The following ZFAND3 variants were observed in gnomAD, a reference collection of about 807,000 sequenced individuals.
The protein encoded by ZFAND3 is zinc finger AN1-type containing 3.
A neutral mutation model predicts 29.6 loss-of-function variants in ZFAND3; 10 were observed. The observed-to-expected ratio is 0.34, with a 90% confidence interval of 0.21 to 0.57. The LOEUF (loss-of-function observed/expected upper bound fraction) is 0.57. Ranked by LOEUF, ZFAND3 falls within the 20% of genes least tolerant of loss-of-function variation. ZFAND3 has a pLI of 0.86. For synonymous variants in ZFAND3, 128 were observed against 112.6 expected (o/e 1.14, Z -0.87); for missense variants, 230 against 304.5 (o/e 0.76, Z 1.82).
rs960921377 is a variant in ZFAND3, at chr6:38,036,712, G to T, written c.113-24881G>T. ...AAATAGAGACTTAAGAAACTAACTT[G>T]ACAAGCATGTTTTTAACATGTAAAT... is the stretch of plus-strand genomic sequence containing the variant. On this transcript the variant is annotated intron_variant, in intron 2 of 5. Transcript: ENST00000287218. 7.9e-5 allele frequency among the ~76,000 whole-genome samples: 12 copies of T among 152,210 alleles called. No homozygotes were observed. In the East Asian group the frequency reaches 2.3e-3, roughly 29 times the overall value.
intron 2 of ZFAND3, among the ~76,000 whole-genome samples, chr6:38,048,705 C>G (rs1286966018): frequency 8.6e-5 from 13 of 151,146 alleles, no homozygotes; most frequent in Non-Finnish European, 1.6e-4. Flanking sequence ...CAGGTTTTAA[C>G]GTTTTTGCAG....
chr6:37,974,398 CTCTCTT>C (rs1268791962), intron 2 of ZFAND3, among the ~76,000 whole-genome samples: 10 of 89,660 alleles, frequency 1.1e-4, no homozygotes, highest in Admixed American at 3.0e-4. Flanking sequence ...CTCTCTCTCT[CTCTCTT>C]TTTTTTTTTT....
intron 2 of ZFAND3, among the ~76,000 whole-genome samples, chr6:37,962,244 A>G (rs1258346673): frequency 6.6e-6 from 1 of 152,200 alleles, no homozygotes; most frequent in African/African-American, 2.4e-5. Context: ...TAACGGCAGA[A>G]TTGACCAAAC....
chr6:37,976,105 C>T (rs1762472857), intron 2 of ZFAND3, among the ~76,000 whole-genome samples: 1 of 152,072 alleles, frequency 6.6e-6, no homozygotes, highest in South Asian at 2.1e-4. Flanking sequence ...AGATTTATCT[C>T]TAAGAAGTTA....
intron 1 of ZFAND3, among the ~76,000 whole-genome samples, chr6:37,912,761 A>G (rs1309160480): frequency 1.3e-5 from 2 of 152,216 alleles, no homozygotes; most frequent in Non-Finnish European, 2.9e-5. Context: ...ACTGTTTGAA[A>G]AACTAGTAAA....
chr6:38,139,640 G>T (rs1285780285), intron 5 of ZFAND3, among the ~76,000 whole-genome samples: 1 of 152,136 alleles, frequency 6.6e-6, no homozygotes, highest in East Asian at 1.9e-4. Flanking sequence ...GCTTCAGTGG[G>T]GAAATTTTTA....
In ZFAND3 at chr6:38,037,476, C is replaced by T. The variant is rs967071036; in HGVS notation, c.113-24117C>T. 1.2e-4 allele frequency among the ~76,000 whole-genome samples: 18 copies of T among 152,156 alleles called. 1 individual carries two copies. Among genetic ancestry groups the T allele is most frequent in the African/African-American group, 3.9e-4 (16 of 41,432 alleles). ...TCCGTCACCATTTCAGAGGTAGATG[C>T]GTATGTAACTTCTTGATAAAAATTT... On this transcript the variant is annotated intron_variant, in intron 2 of 5. Coordinates refer to ENST00000287218, the MANE Select transcript of ZFAND3 (RefSeq NM_021943.3).
intron 2 of ZFAND3, among the ~76,000 whole-genome samples, chr6:37,956,547 C>T (rs975915226): frequency 3.3e-5 from 5 of 152,176 alleles, no homozygotes; most frequent in Non-Finnish European, 7.3e-5. Context: ...CTTTGGGTAA[C>T]AAATGGCATC....
chr6:38,116,130 C>A (rs1403970225), intron 4 of ZFAND3, among the ~76,000 whole-genome samples: 1 of 152,190 alleles, frequency 6.6e-6, no homozygotes. Context: ...TACAGAGATA[C>A]ATTAGACATA....
At chr6:38,033,197 A>G (rs1233538419) in intron 2 of ZFAND3, among the ~76,000 whole-genome samples, 1 of 152,190 alleles carries the variant, frequency 6.6e-6, no homozygotes, top group Non-Finnish European at 1.5e-5. Context: ...AAGATCAGAA[A>G]GGGGTTGGAT....
rs555443553 is a variant in ZFAND3, at chr6:38,153,299, A to T, written c.*910A>T. On this transcript the variant is annotated 3_prime_UTR_variant, in exon 6 of 6. Transcript: ENST00000287218. The stretch of plus-strand genomic sequence containing the variant: ...AAAAGACATTTCATAGCCAACAAGA[A>T]TCAGTAGAAGTGCTGGGAGCAGCAG... 4 of 985,498 alleles carry T rather than the reference A, an allele frequency of 4.1e-6. No homozygotes were observed. The African/African-American group carries it at 7.0e-5, about 17-fold the overall frequency. The allele number at this position is 985,498 out of a possible 1,614,324, so 61.0% of individuals were successfully genotyped here.
chr6:38,094,465 C>T (rs968485485), intron 4 of ZFAND3, among the ~76,000 whole-genome samples: 9 of 152,142 alleles, frequency 5.9e-5, no homozygotes, highest in Non-Finnish European at 5.9e-5. Context: ...TGGATATGAT[C>T]CTACTCCACA....
chr6:37,824,714 A>G (rs1324654836), intron 1 of ZFAND3, among the ~76,000 whole-genome samples: 1 of 152,228 alleles, frequency 6.6e-6, no homozygotes, highest in Non-Finnish European at 1.5e-5. Context: ...ATTTTAAAAA[A>G]GAAGCTCTTC....
chr6:37,907,957 TAAGAA>T (rs1307488481), intron 1 of ZFAND3, among the ~76,000 whole-genome samples: 2 of 152,206 alleles, frequency 1.3e-5, no homozygotes, highest in Non-Finnish European at 2.9e-5. Context: ...TTATCACACT[TAAGAA>T]AATTAGCAGT....
chr6:38,038,842 A>G (rs1325925016), intron 2 of ZFAND3, among the ~76,000 whole-genome samples: 2 of 152,190 alleles, frequency 1.3e-5, no homozygotes, highest in Non-Finnish European at 2.9e-5. Context: ...AATCTATATC[A>G]TATAAGCGGC....
chr6:37,980,020 A>T (rs1762553112), intron 2 of ZFAND3, among the ~76,000 whole-genome samples: 1 of 152,214 alleles, frequency 6.6e-6, no homozygotes, highest in Admixed American at 6.5e-5. Flanking sequence ...CACAGGTTAC[A>T]TGCCTACCAA....
rs768846662 is a variant in ZFAND3, at chr6:37,974,400, CTCTT to C, written c.112+44403_112+44406del. On this transcript the variant is annotated intron_variant, in intron 2 of 5. Transcript: ENST00000287218. ...CATTATATACTCTCTCTCTCTCTCT[CTCTT>C]TTTTTTTTTTTTTTTTTGGAGACAG... 4.0e-4 allele frequency among the ~76,000 whole-genome samples: 40 copies of C among 99,764 alleles called. 2 individuals are homozygous for C. The highest frequency in any genetic ancestry group is 2.3e-3 in the East Asian group (6 of 2,566). The allele number at this position is 99,764 out of a possible 152,430, so 65.4% of individuals were successfully genotyped here.
chr6:38,050,210 C>T (rs902722024), intron 2 of ZFAND3, among the ~76,000 whole-genome samples: 3 of 151,922 alleles, frequency 2.0e-5, no homozygotes, highest in Non-Finnish European at 4.4e-5. Context: ...CCACCTCGGC[C>T]TTCCAAAGTG....
At chr6:37,952,127 G>A (rs1762009070) in intron 2 of ZFAND3, among the ~76,000 whole-genome samples, 1 of 152,088 alleles carries the variant, frequency 6.6e-6, no homozygotes, top group South Asian at 2.1e-4. Flanking sequence ...GAGGATTTTT[G>A]CATCTGTGTT....
Sources: allele counts gnomAD v4.1 joint callset (sites outside exome capture counted in the v4.1 genomes callset), GRCh38; gene constraint gnomAD v4.1.1; transcripts MANE v1.5; gene names NCBI Gene and HGNC (gene_info 2026-07-23, HGNC 2026-07-21).